The following SLC17A4 variants were observed in gnomAD, a reference collection of about 807,000 sequenced individuals.
The protein encoded by SLC17A4 is solute carrier family 17 member 4.
SLC17A4 carries 33 observed loss-of-function variants against 52.5 expected under a neutral mutation model. That is an observed-to-expected ratio of 0.63 (90% CI 0.48 to 0.84). The LOEUF is 0.84. Among genes scored for constraint, SLC17A4 ranks in the 40% least tolerant of loss-of-function variants. The pLI is 0.00. For synonymous variants in SLC17A4, 225 were observed against 216.2 expected (o/e 1.04, Z -0.36); for missense variants, 585 against 597.1 (o/e 0.98, Z 0.21).
intron 11 of SLC17A4, among the ~76,000 whole-genome samples, chr6:25,778,348 T>C (rs1763112857): frequency 6.6e-6 from 1 of 151,834 alleles, no homozygotes. Context: ...GGTTTTTCAC[T>C]GGTAAATCAG....
intron 1 of SLC17A4, 73 bp from the exon 2 acceptor site, chr6:25,761,854 G>C: frequency 2.4e-6 from 2 of 846,732 alleles, no homozygotes; most frequent in Non-Finnish European, 3.6e-6. Flanking sequence ...TTTGCTCCTA[G>C]TTCTTAGAAA....
chr6:25,759,632 G>C (rs373434130), intron 1 of SLC17A4, among the ~76,000 whole-genome samples: 1 of 152,030 alleles, frequency 6.6e-6, no homozygotes, highest in Non-Finnish European at 1.5e-5. Flanking sequence ...CAGCCTGGGC[G>C]GCAGAGTGAG....
rs1370686626 is a variant in SLC17A4, at chr6:25,762,030, C to T, written c.68C>T (p.Ala23Val). ...DISSDGNLNV[A>V]QEECSRKGFC... Reference sequence around the variant, plus strand: ...TCCAGTGATGGCAATTTAAACGTGGCTCAAGAGGAATGCTCCAGGAAAGGT... The same window carrying T: ...TCCAGTGATGGCAATTTAAACGTGGTTCAAGAGGAATGCTCCAGGAAAGGT... Residue 23 changes from alanine to valine, a missense_variant, in exon 2 of 12, where the codon GCT becomes GTT. Ala to Val is a moderately conservative substitution (Grantham distance 64). Coordinates refer to ENST00000377905, the MANE Select transcript of SLC17A4 (RefSeq NM_005495.3). 1.2e-6 allele frequency: 2 copies of T among 1,613,254 alleles called. No individual in the cohort carries two copies. The highest frequency in any genetic ancestry group is 1.1e-5 in the South Asian group (1 of 90,992).
intron 2 of SLC17A4, among the ~76,000 whole-genome samples, chr6:25,765,773 T>C (rs1026562083): frequency 2.0e-5 from 3 of 152,066 alleles, no homozygotes; most frequent in African/African-American, 7.2e-5. Context: ...AACATCCAAT[T>C]CACTGAGCCT....
intron 8 of SLC17A4, among the ~76,000 whole-genome samples, chr6:25,776,090 A>G (rs1343038198): frequency 1.3e-5 from 2 of 152,142 alleles, no homozygotes; most frequent in Non-Finnish European, 2.9e-5. Flanking sequence ...TGCCCTCAAT[A>G]GAGCACCAGT....
chr6:25,778,975 A>G, intron 11 of SLC17A4, 79 bp from the exon 12 acceptor site: 1 of 1,571,666 alleles, frequency 6.4e-7, no homozygotes, highest in Admixed American at 1.7e-5. Flanking sequence ...GAGCAGGAGG[A>G]CACAGAGCCA....
At chr6:25,761,855 T>A in intron 1 of SLC17A4, 72 bp from the exon 2 acceptor site, 1 of 851,516 alleles carries the variant, frequency 1.2e-6, no homozygotes, top group Non-Finnish European at 1.8e-6. Context: ...TTGCTCCTAG[T>A]TCTTAGAAAG....
intron 1 of SLC17A4, among the ~76,000 whole-genome samples, chr6:25,758,671 T>C (rs1761237069): frequency 6.6e-6 from 1 of 152,226 alleles, no homozygotes; most frequent in Non-Finnish European, 1.5e-5. Context: ...CTTATTTGGA[T>C]CTTCTCTCTT....
intron 3 of SLC17A4, among the ~76,000 whole-genome samples, chr6:25,769,684 A>T (rs1453019224): frequency 3.3e-5 from 5 of 152,158 alleles, no homozygotes; most frequent in Admixed American, 3.3e-4. Context: ...TAAATGAAAC[A>T]TTTTACCATT....
chr6:25,770,394 T>C lies in SLC17A4; in HGVS notation c.542T>C (p.Leu181Ser), dbSNP rs1762383955. 6 of 1,614,084 alleles carry C rather than the reference T, an allele frequency of 3.7e-6. No individual in the cohort carries two copies. Among genetic ancestry groups the C allele is most frequent in the Non-Finnish European group, 8.5e-7 (1 of 1,179,960 alleles). ...AATTTTTCCCCCCAGGTTATGGTAT[T>C]AACTGGTCAGTATTCAATTTGGGTC... ...IVQGIAQVMV[L>S]TGQYSIWVKW... Residue 181 changes from leucine to serine, a missense_variant, in exon 5 of 12, where the codon TTA (leucine) becomes TCA (serine). Physicochemically the swap from Leu to Ser is moderately radical, Grantham distance 145. Coordinates refer to ENST00000377905, the MANE Select transcript of SLC17A4 (RefSeq NM_005495.3).
At position 25,770,466 on chromosome 6, in the gene SLC17A4, G is replaced by C. The variant is rs1762390532; in HGVS notation, c.614G>C (p.Gly205Ala). The change falls in exon 5 of 12, where the codon GGA (glycine) becomes GCA (alanine). Residue 205 changes from glycine (G) to alanine (A), a missense_variant. Gly to Ala is a moderately conservative substitution (Grantham distance 60). Coordinates refer to ENST00000377905, the MANE Select transcript of SLC17A4 (RefSeq NM_005495.3). ...LERSQLTTIA[G>A]SGSMLGSFIV... ...AGGAGTCAACTCACCACCATTGCTG[G>C]ATCAGGTAACTGGTACCCTAAACCT... 2 of 1,613,952 alleles carry C rather than the reference G, an allele frequency of 1.2e-6. No homozygotes were observed. The highest frequency in any genetic ancestry group is 1.7e-6 in the Non-Finnish European group (2 of 1,179,894).
At chr6:25,777,804 C>A in intron 10 of SLC17A4, 122 bp from the exon 11 acceptor site, 1 of 735,202 alleles carries the variant, frequency 1.4e-6, no homozygotes, top group Non-Finnish European at 2.4e-6. Context: ...CACAGAGTTG[C>A]AGCAGACCAG....
chr6:25,771,521 C>A (rs1762479676), intron 6 of SLC17A4, among the ~76,000 whole-genome samples: 1 of 151,736 alleles, frequency 6.6e-6, no homozygotes, highest in African/African-American at 2.4e-5. Context: ...GTGCAGTGAG[C>A]CAAGATCACA....
In SLC17A4 at chr6:25,779,301, T is replaced by C. The variant is rs1763184142; in HGVS notation, c.*113T>C. On this transcript the variant is annotated 3_prime_UTR_variant, in exon 12 of 12. Coordinates refer to ENST00000377905, the MANE Select transcript of SLC17A4 (RefSeq NM_005495.3). ...TAAGCCATTAGCTAGACCCTGACTA[T>C]GTAACGCTAAAGATTTTACCATGCC... 3 of 1,428,440 alleles carry C rather than the reference T, an allele frequency of 2.1e-6. No individual in the cohort carries two copies. Among genetic ancestry groups the C allele is most frequent in the South Asian group, 2.8e-5 (2 of 71,302 alleles). 88.5% of individuals were successfully genotyped at this position (1,428,440 alleles called of 1,614,324 possible). A position where few individuals can be genotyped will look rare whatever the true frequency, so the allele number is the denominator to read the frequency against.
chr6:25,755,789 C>T (rs1216187836), intron 1 of SLC17A4, among the ~76,000 whole-genome samples: 2 of 152,158 alleles, frequency 1.3e-5, no homozygotes, highest in African/African-American at 4.8e-5. Flanking sequence ...CCCAAGTGTC[C>T]AAAATAAAGT....
rs935418725 is a variant in SLC17A4 at position 25,757,757 on chromosome 6, G to A, written c.-37+2976G>A. ...GAGCTCTTGTGACCTGGCATTGGTG[G>A]TCTCTGGGTTGGATGAATGTTCAAT... is the stretch of plus-strand genomic sequence containing the variant. On this transcript the variant is annotated intron_variant, in intron 1 of 11. Coordinates refer to ENST00000377905, the MANE Select transcript of SLC17A4 (RefSeq NM_005495.3). Among the ~76,000 whole-genome samples the A allele has an allele frequency of 2.0e-5, 3 of 152,242 alleles. No homozygotes were observed. In the South Asian group the frequency reaches 6.2e-4, roughly 32 times the overall value.
At chr6:25,765,287 G>A (rs1369379447) in intron 2 of SLC17A4, among the ~76,000 whole-genome samples, 2 of 152,372 alleles carry the variant, frequency 1.3e-5, no homozygotes, top group East Asian at 3.9e-4. Context: ...GTTAGACACT[G>A]TTCTAAGCAG....
chr6:25,764,103 T>G (rs1761792820), intron 2 of SLC17A4, among the ~76,000 whole-genome samples: 1 of 152,048 alleles, frequency 6.6e-6, no homozygotes, highest in Non-Finnish European at 1.5e-5. Flanking sequence ...CAGGCAGAAA[T>G]CCCATGTCTA....
rs1762254389 is a variant in SLC17A4, at chr6:25,769,016, C to T, written c.123C>T (p.Leu41=). The change falls in exon 3 of 12, where the codon CTC becomes CTT. Residue 41 remains leucine (L), a synonymous_variant. Coordinates refer to ENST00000377905, the MANE Select transcript of SLC17A4 (RefSeq NM_005495.3). ...GFCSVRHGLA[L]ILQLCNFSIY... Reference sequence around the variant, plus strand: ...GTTCAGTCCGACATGGGCTGGCCCTCATCTTGCAGCTCTGTAATTTTTCAA... The same window carrying T: ...GTTCAGTCCGACATGGGCTGGCCCTTATCTTGCAGCTCTGTAATTTTTCAA... 4.3e-6 allele frequency: 7 copies of T among 1,614,062 alleles called. No individual in the cohort carries two copies. Among genetic ancestry groups the T allele is most frequent in the Non-Finnish European group, 5.9e-6 (7 of 1,179,990 alleles).
Sources: allele counts gnomAD v4.1 joint callset (sites outside exome capture counted in the v4.1 genomes callset), GRCh38; gene constraint gnomAD v4.1.1; transcripts MANE v1.5; gene names NCBI Gene and HGNC (gene_info 2026-07-23, HGNC 2026-07-21).